PLXNA2: variants seen among roughly 807,000 people sequenced by gnomAD.
The protein encoded by PLXNA2 is plexin A2, also known as plexin-A2.
In PLXNA2, 91 loss-of-function variants were observed where a neutral mutation model predicts 193.5. The ratio of observed to expected loss-of-function variants is 0.47; its 90% CI spans 0.40 to 0.56. The LOEUF is 0.56. Among genes scored for constraint, PLXNA2 ranks in the 20% least tolerant of loss-of-function variants. The pLI is 0.00. For synonymous variants in PLXNA2, 997 were observed against 1,027.3 expected, an observed-to-expected ratio of 0.97 and a Z score of 0.56; for missense variants, 1,995 against 2,503.2, an observed-to-expected ratio of 0.80 and a Z score of 4.33.
intron 9 of PLXNA2, among the ~76,000 whole-genome samples, chr1:208,089,793 T>G (rs770900281): frequency 5.9e-5 from 9 of 152,184 alleles, no homozygotes; most frequent in Non-Finnish European, 1.2e-4. Flanking sequence ...AAAAGAGATA[T>G]TCTAGGAACC....
chr1:208,057,042 A>G (rs1001631138), intron 13 of PLXNA2, among the ~76,000 whole-genome samples: 8 of 152,190 alleles, frequency 5.3e-5, no homozygotes, highest in Non-Finnish European at 8.8e-5. Context: ...ATAGGGAGTT[A>G]AAGGAAGAAG....
chr1:208,115,700 C>T lies in PLXNA2; in HGVS notation c.1507-12453G>A, dbSNP rs76188263. Among the ~76,000 whole-genome samples the T allele has an allele frequency of 9.8e-3, 1,487 of 152,238 alleles. 29 individuals carry two copies. Among genetic ancestry groups the T allele is most frequent in the African/African-American group, 0.033 (1,381 of 41,526 alleles). ...AGTTCACAGAATGCACAGATACAAC[C>T]TTGATCCCAAAGTACTCATAGTGTT... On this transcript the variant is annotated intron_variant, in intron 4 of 31. Coordinates refer to ENST00000367033, the MANE Select transcript of PLXNA2 (RefSeq NM_025179.4).
intron 3 of PLXNA2, among the ~76,000 whole-genome samples, chr1:208,188,771 A>T (rs901422049): frequency 1.3e-5 from 2 of 152,110 alleles, no homozygotes; most frequent in South Asian, 4.1e-4. Flanking sequence ...AGCTGCTATG[A>T]GAACTAAATG....
chr1:208,030,556 T>A (rs1664469992), intron 29 of PLXNA2: 1 of 985,378 alleles, frequency 1.0e-6, no homozygotes, highest in African/African-American at 1.7e-5. Context: ...TGATCAAAGC[T>A]GCAGACTGAG....
rs926868873 is a variant in PLXNA2, at chr1:208,040,132, A to G, written c.4287-74T>C. On this transcript the variant is annotated intron_variant, in intron 22 of 31. Coordinates refer to ENST00000367033, the MANE Select transcript of PLXNA2 (RefSeq NM_025179.4). ...CGTGGTGGGGCCTGGGCTTGCCATGAGGTCTCCCAAGAGAACAATGGAGCA... is the reference window on the plus strand; with the variant it reads ...CGTGGTGGGGCCTGGGCTTGCCATGGGGTCTCCCAAGAGAACAATGGAGCA... The G allele has an allele frequency of 9.1e-6, 11 of 1,206,266 alleles. No individual in the cohort carries two copies. In the African/African-American group the frequency reaches 1.5e-4, roughly 16 times the overall value. 74.7% of individuals were successfully genotyped at this position (1,206,266 alleles called of 1,614,324 possible). A position where few individuals can be genotyped will look rare whatever the true frequency, so the allele number is the denominator to read the frequency against.
chr1:208,214,323 A>T (rs2102606836), intron 2 of PLXNA2, among the ~76,000 whole-genome samples: 1 of 152,362 alleles, frequency 6.6e-6, no homozygotes, highest in East Asian at 1.9e-4. Flanking sequence ...CATAATAACC[A>T]TGAAAAGAAG....
At chr1:208,232,018 G>A (rs886079275) in intron 1 of PLXNA2, among the ~76,000 whole-genome samples, 7 of 152,218 alleles carry the variant, frequency 4.6e-5, no homozygotes, top group Non-Finnish European at 8.8e-5. Flanking sequence ...ACTCAGAGTT[G>A]AATTCTTGGG....
intron 14 of PLXNA2, among the ~76,000 whole-genome samples, chr1:208,053,814 T>C (rs1184853177): frequency 6.6e-6 from 1 of 152,206 alleles, no homozygotes; most frequent in Non-Finnish European, 1.5e-5. Flanking sequence ...AGAAAGTCTT[T>C]GCAATTTGAC....
intron 21 of PLXNA2, among the ~76,000 whole-genome samples, chr1:208,042,663 T>C (rs1664912748): frequency 6.6e-6 from 1 of 152,298 alleles, no homozygotes; most frequent in African/African-American, 2.4e-5. Context: ...CCCCTCAAAC[T>C]TCTTCAGTTT....
At chr1:208,039,913 A>T in intron 23 of PLXNA2, 79 bp downstream of exon 23, 1 of 1,582,850 alleles carries the variant, frequency 6.3e-7, no homozygotes, top group Non-Finnish European at 8.7e-7. Context: ...GGGGGTCCCC[A>T]TGCAGCCCTG....
rs978814330 is a variant in PLXNA2, at chr1:208,031,582, G to A, written c.5225+8C>T. The A allele has an allele frequency of 1.2e-5, 19 of 1,613,866 alleles. No individual in the cohort carries two copies. The highest frequency in any genetic ancestry group is 1.6e-5 in the Non-Finnish European group (19 of 1,179,954). Reference sequence around the variant, plus strand: ...CTGCACCTCCTGCTGAGCTCCCCGAGGGTTTACCAGTTGCTTTTCCAGGTG... The same window carrying A: ...CTGCACCTCCTGCTGAGCTCCCCGAAGGTTTACCAGTTGCTTTTCCAGGTG... On this transcript the variant is annotated splice_region_variant and intron_variant, in intron 29 of 31. Coordinates refer to ENST00000367033, the MANE Select transcript of PLXNA2 (RefSeq NM_025179.4).
intron 29 of PLXNA2, chr1:208,030,289 C>T (rs1373120394): frequency 1.0e-6 from 1 of 985,536 alleles, no homozygotes; most frequent in Non-Finnish European, 1.2e-6. Flanking sequence ...ACTCTCTCCA[C>T]ACCACGATGC....
At chr1:208,237,727 G>A (rs1269358318) in intron 1 of PLXNA2, among the ~76,000 whole-genome samples, 1 of 152,150 alleles carries the variant, frequency 6.6e-6, no homozygotes, top group Non-Finnish European at 1.5e-5. Flanking sequence ...AGGCTTTGAG[G>A]AGCTGTCTGC....
intron 4 of PLXNA2, among the ~76,000 whole-genome samples, chr1:208,138,806 C>T (rs1668379407): frequency 6.6e-6 from 1 of 152,224 alleles, no homozygotes; most frequent in Non-Finnish European, 1.5e-5. Flanking sequence ...GCAGGTGGAT[C>T]ACTTGAGGTC....
At chr1:208,151,449 C>T (rs1269290889) in intron 3 of PLXNA2, among the ~76,000 whole-genome samples, 2 of 152,080 alleles carry the variant, frequency 1.3e-5, no homozygotes, top group Non-Finnish European at 2.9e-5. Context: ...CCTTTCTCAC[C>T]AAGCTCTGGA....
At chr1:208,134,233 TA>T (rs1051439495) in intron 4 of PLXNA2, among the ~76,000 whole-genome samples, 14 of 151,928 alleles carry the variant, frequency 9.2e-5, no homozygotes, top group African/African-American at 3.1e-4. Context: ...AATATTTATT[TA>T]AAAAAAATAC....
intron 3 of PLXNA2, among the ~76,000 whole-genome samples, chr1:208,198,644 T>C (rs1043248107): frequency 3.9e-5 from 6 of 152,218 alleles, no homozygotes; most frequent in Non-Finnish European, 7.3e-5. Flanking sequence ...ACAGCTGCCA[T>C]GTCCCGAGTT....
At position 208,142,448 on chromosome 1, in the gene PLXNA2, G is replaced by T. The variant is rs776608351; in HGVS notation, c.1387C>A (p.Pro463Thr). ...TCGTACTGGACCCCACCATGGGGGGGACCGTCGGCCCGAATCTGTATGAGA... is the reference window on the plus strand; with the variant it reads ...TCGTACTGGACCCCACCATGGGGGGTACCGTCGGCCCGAATCTGTATGAGA... ...GKLKKIRADG[P>T]PHGGVQYEMV... Residue 463 changes from proline to threonine, a missense_variant, in exon 4 of 32, where the codon CCC (proline) becomes ACC (threonine). Pro to Thr is a conservative substitution (Grantham distance 38). Transcript: ENST00000367033. 6.2e-7 allele frequency: 1 copy of T among 1,609,918 alleles called. No homozygotes were observed.
intron 3 of PLXNA2, chr1:208,209,923 G>T (rs1670871512): frequency 4.3e-6 from 1 of 232,584 alleles, no homozygotes; most frequent in Non-Finnish European, 8.3e-6. Context: ...TTGCGATTTT[G>T]GAGATTTATA....
Sources: gnomAD v4.1 joint callset for allele counts (sites outside exome capture counted in the v4.1 genomes callset) on GRCh38, gnomAD v4.1.1 for gene constraint, MANE v1.5 for transcripts, NCBI Gene and HGNC (gene_info 2026-07-23, HGNC 2026-07-21) for gene names.